Variants in ERBB4 observed in about 807,000 individuals in gnomAD.
The protein encoded by ERBB4 is receptor tyrosine-protein kinase erbB-4.
Under a neutral mutation model 158.0 loss-of-function variants are expected in ERBB4, and 42 were observed. The observed-to-expected ratio is 0.27, with a 90% confidence interval of 0.21 to 0.34. The LOEUF is 0.34. Among genes scored for constraint, ERBB4 ranks in the 10% least tolerant of loss-of-function variants. The pLI is 1.00. For synonymous variants in ERBB4, 583 were observed against 558.7 expected (o/e 1.04, Z -0.61); for missense variants, 1,333 against 1,624.1 (o/e 0.82, Z 3.08).
At chr2:212,330,433 A>G (rs1010122775) in intron 1 of ERBB4, among the ~76,000 whole-genome samples, 1 of 152,046 alleles carries the variant, frequency 6.6e-6, no homozygotes, top group Admixed American at 6.6e-5. Flanking sequence ...AGCCTGGGCA[A>G]CAAAGTGAGA....
chr2:212,524,760 G>A (rs975152338), intron 1 of ERBB4, among the ~76,000 whole-genome samples: 5 of 151,826 alleles, frequency 3.3e-5, no homozygotes, highest in African/African-American at 7.3e-5. Context: ...TGCATTTCTC[G>A]AACCGGCTAA....
At chr2:211,433,779 T>A (rs1360341165) in intron 20 of ERBB4, among the ~76,000 whole-genome samples, 2 of 151,984 alleles carry the variant, frequency 1.3e-5, no homozygotes, top group Non-Finnish European at 2.9e-5. Flanking sequence ...TTTTTCAGAT[T>A]TTTTTTTCTT....
chr2:211,700,204 A>G (rs1293989963), intron 12 of ERBB4, among the ~76,000 whole-genome samples: 1 of 152,198 alleles, frequency 6.6e-6, no homozygotes, highest in Non-Finnish European at 1.5e-5. Flanking sequence ...TATTGCCATG[A>G]ATCATCTACT....
In ERBB4 at chr2:211,775,390, ATCTTTC is replaced by A. The variant is rs2075847749; in HGVS notation, c.556+12629_556+12634del. Among the ~76,000 whole-genome samples the A allele has an allele frequency of 5.3e-5, 8 of 152,332 alleles. No individual in the cohort carries two copies. The South Asian group carries it at 1.7e-3, about 32-fold the overall frequency. ...TTTTAGTGCTTGATATAGCTCTTCC[ATCTTTC>A]CCTTACTGTACTATGTCTATTGCAC... On this transcript the variant is annotated intron_variant, in intron 4 of 27. Transcript: ENST00000342788.
chr2:211,977,639 C>G (rs1392782570), intron 2 of ERBB4, among the ~76,000 whole-genome samples: 1 of 150,352 alleles, frequency 6.7e-6, no homozygotes, highest in Admixed American at 6.7e-5. Context: ...TAGCTCGAGA[C>G]CAGCCTGGCC....
chr2:212,053,768 G>C (rs1224232455), intron 2 of ERBB4, among the ~76,000 whole-genome samples: 1 of 152,124 alleles, frequency 6.6e-6, no homozygotes. Flanking sequence ...TTACCTGGAA[G>C]ACTCTGGTAT....
At chr2:212,071,671 A>G (rs1049888082) in intron 2 of ERBB4, among the ~76,000 whole-genome samples, 1 of 152,030 alleles carries the variant, frequency 6.6e-6, no homozygotes, top group African/African-American at 2.4e-5. Context: ...TGTACAAAGT[A>G]TCTCATTTGT....
chr2:211,537,811 T>C (rs1288436885), intron 20 of ERBB4, among the ~76,000 whole-genome samples: 1 of 152,002 alleles, frequency 6.6e-6, no homozygotes, highest in East Asian at 1.9e-4. Context: ...TTGAAGTTTA[T>C]TTCTTATTTT....
intron 2 of ERBB4, among the ~76,000 whole-genome samples, chr2:211,982,517 T>G (rs1390678007): frequency 6.6e-6 from 1 of 152,142 alleles, no homozygotes; most frequent in Non-Finnish European, 1.5e-5. Flanking sequence ...ACAAAGAGGA[T>G]ATTACCAGAT....
chr2:212,201,996 G>C (rs1258054526), intron 1 of ERBB4, among the ~76,000 whole-genome samples: 1 of 152,130 alleles, frequency 6.6e-6, no homozygotes, highest in Non-Finnish European at 1.5e-5. Context: ...CAGTGAGAAG[G>C]ACTTTGCCTT....
rs551628404 is a variant in ERBB4, at chr2:211,615,122, A to AT, written c.2301+4054dup. Among the ~76,000 whole-genome samples, 623 of 152,046 alleles carry AT rather than the reference A, an allele frequency of 4.1e-3. 1 individual carries two copies. The highest frequency in any genetic ancestry group is 0.014 in the African/African-American group (600 of 41,502). On this transcript the variant is annotated intron_variant, in intron 19 of 27. Transcript: ENST00000342788. Reference sequence around the variant, plus strand: ...TGAGAATAATTACATAATTTCTTTCATTTTTTTTAAGAAAGCAAGTAATTT... The same window carrying AT: ...TGAGAATAATTACATAATTTCTTTCATTTTTTTTTAAGAAAGCAAGTAATTT...
At chr2:211,617,260 A>AT (rs2069426048) in intron 19 of ERBB4, among the ~76,000 whole-genome samples, 1 of 152,020 alleles carries the variant, frequency 6.6e-6, no homozygotes, top group Non-Finnish European at 1.5e-5. Context: ...GGCTGGCAAG[A>AT]TTTTTTCTAC....
intron 20 of ERBB4, among the ~76,000 whole-genome samples, chr2:211,449,620 T>C (rs938075494): frequency 4.6e-5 from 7 of 152,200 alleles, no homozygotes; most frequent in Non-Finnish European, 1.0e-4. Flanking sequence ...CCCTAATTAA[T>C]ATGTATCATG....
At chr2:212,425,320 T>C (rs1480181165) in intron 1 of ERBB4, among the ~76,000 whole-genome samples, 1 of 120,626 alleles carries the variant, frequency 8.3e-6, no homozygotes, top group African/African-American at 4.1e-5. Context: ...TATATATGTG[T>C]TGGATAAATA....
intron 1 of ERBB4, among the ~76,000 whole-genome samples, chr2:212,340,499 G>C (rs1306061455): frequency 3.3e-5 from 5 of 152,182 alleles, no homozygotes; most frequent in Non-Finnish European, 7.4e-5. Flanking sequence ...GGTCCCATCT[G>C]GGGGTGATGA....
intron 2 of ERBB4, among the ~76,000 whole-genome samples, chr2:211,979,576 A>G (rs2081732329): frequency 6.6e-6 from 1 of 152,066 alleles, no homozygotes; most frequent in Non-Finnish European, 1.5e-5. Context: ...CTTCTTTTAC[A>G]TTTTTCTTTC....
chr2:212,049,758 A>G (rs1034682346), intron 2 of ERBB4, among the ~76,000 whole-genome samples: 2 of 152,192 alleles, frequency 1.3e-5, no homozygotes, highest in African/African-American at 4.8e-5. Context: ...ATTCAAGGTA[A>G]TGTCTTTGTC....
chr2:212,203,611 T>A (rs1465353464), intron 1 of ERBB4, among the ~76,000 whole-genome samples: 1 of 152,210 alleles, frequency 6.6e-6, no homozygotes, highest in African/African-American at 2.4e-5. Flanking sequence ...TGTGTGTACA[T>A]ATTTTGGCAT....
intron 1 of ERBB4, among the ~76,000 whole-genome samples, chr2:212,296,365 G>A (rs1339315493): frequency 6.6e-6 from 1 of 151,642 alleles, no homozygotes; most frequent in East Asian, 2.0e-4. Context: ...GTAGAGGGTG[G>A]TTTCCAATGA....
Sources: gnomAD v4.1 joint callset for allele counts (sites outside exome capture counted in the v4.1 genomes callset) on GRCh38, gnomAD v4.1.1 for gene constraint, MANE v1.5 for transcripts, NCBI Gene and HGNC (gene_info 2026-07-23, HGNC 2026-07-21) for gene names.